Variants in SYT10 observed in about 807,000 individuals in gnomAD.
SYT10 encodes synaptotagmin-10.
Under a neutral mutation model 51.1 loss-of-function variants are expected in SYT10, and 31 were observed. The ratio of observed to expected loss-of-function variants is 0.61; its 90% CI spans 0.46 to 0.82. SYT10 has a LOEUF of 0.82. Among genes scored for constraint, SYT10 ranks in the 40% least tolerant of loss-of-function variants. SYT10 has a pLI of 0.00. For missense variants in SYT10, 603 were observed against 634.0 expected (o/e 0.95, Z 0.53); for synonymous variants, 233 against 225.9 (o/e 1.03, Z -0.28).
In SYT10 at chr12:33,374,559, T is replaced by C. The variant is rs1866046584; in HGVS notation, c.*2271A>G. The C allele has an allele frequency of 6.6e-6, 1 of 151,920 alleles. No individual in the cohort carries two copies. The highest frequency in any genetic ancestry group is 1.5e-5 in the Non-Finnish European group (1 of 67,890). The allele number at this position is 151,920 out of a possible 1,614,324, so 9.4% of individuals were successfully genotyped here. A position where few individuals can be genotyped will look rare whatever the true frequency, so the allele number is the denominator to read the frequency against. ...TATGAACTGTCATTTTTAACAATCA[T>C]GCCTTATTAATCTGAGCATAAACCT... On this transcript the variant is annotated 3_prime_UTR_variant, in exon 7 of 7. Transcript: ENST00000228567.
intron 3 of SYT10, among the ~76,000 whole-genome samples, chr12:33,404,123 C>T (rs114002199): frequency 0.024 from 3,631 of 152,214 alleles, 154 homozygotes; most frequent in African/African-American, 0.082. Flanking sequence ...CAAAGATAGG[C>T]ATGTCCTAAT....
Position 33,407,155 on chromosome 12 carries a change from A to G in SYT10, c.711T>C (p.Phe237=), listed in dbSNP as rs763929071. 2.5e-6 allele frequency: 4 copies of G among 1,614,020 alleles called. No homozygotes were observed. Among genetic ancestry groups the G allele is most frequent in the African/African-American group, 2.7e-5 (2 of 74,910 alleles). The change falls in exon 3 of 7, where the codon TTT becomes TTC. Residue 237 remains phenylalanine, a synonymous_variant. Transcript: ENST00000228567. ...EDVKICGKLN[F]TLQYDYENEL... ...CATTTTCATAATCATACTGGAGGGT[A>G]AAGTTAAGTTTCCCACAGATTTTGA...
intron 3 of SYT10, among the ~76,000 whole-genome samples, chr12:33,391,761 T>C (rs1866209556): frequency 6.6e-6 from 1 of 152,222 alleles, no homozygotes; most frequent in East Asian, 1.9e-4. Context: ...CTTTTCTTTT[T>C]TGCTCAAAAC....
intron 2 of SYT10, among the ~76,000 whole-genome samples, chr12:33,414,313 T>C (rs1480408847): frequency 6.6e-6 from 1 of 152,182 alleles, no homozygotes; most frequent in Non-Finnish European, 1.5e-5. Flanking sequence ...GGAATTGAAC[T>C]CAGCTCTGCA....
chr12:33,386,930 A>G (rs1268698270), intron 3 of SYT10, among the ~76,000 whole-genome samples: 1 of 152,200 alleles, frequency 6.6e-6, no homozygotes, highest in Non-Finnish European at 1.5e-5. Flanking sequence ...ATATAGATTT[A>G]TATGTGGTCT....
In SYT10 at chr12:33,426,574, T is replaced by C. The variant is rs1866555302; in HGVS notation, c.152-79A>G. The C allele has an allele frequency of 4.3e-6, 5 of 1,174,538 alleles. No homozygotes were observed. In the South Asian group the frequency reaches 9.4e-5, roughly 22 times the overall value. 72.8% of individuals were successfully genotyped at this position (1,174,538 alleles called of 1,614,324 possible). On this transcript the variant is annotated intron_variant, in intron 1 of 6. Transcript: ENST00000228567. ...GAAATGGAAAGAATATTTTACATCA[T>C]AATTGTTATTATTTCCTGATTCAGA...
Position 33,407,216 on chromosome 12 carries a change from T to G in SYT10, c.650A>C (p.Lys217Thr). 1 of 1,614,216 alleles carries G rather than the reference T, an allele frequency of 6.2e-7. No individual in the cohort carries two copies. The highest frequency in any genetic ancestry group is 8.5e-7 in the Non-Finnish European group (1 of 1,180,042). Residue 217 changes from lysine (K) to threonine (T), a missense_variant, in exon 3 of 7, where the codon AAA (lysine) becomes ACA (threonine). Coordinates refer to ENST00000228567, the MANE Select transcript of SYT10 (RefSeq NM_198992.4). ...GRIKPELYKQ[K>T]SVDSEGNQNE... ...TTGGTTGCCCTCAGAGTCAACTGAT[T>G]TCTGTTTGTAGAGTTCTGGCTTTAT...
chr12:33,432,364 T>C (rs1215816321), intron 1 of SYT10: 1 of 152,102 alleles, frequency 6.6e-6, no homozygotes, highest in Non-Finnish European at 1.5e-5. Context: ...CATAATTGAG[T>C]AAATTATTTA....
At chr12:33,419,247 C>T (rs1479243191) in intron 2 of SYT10, among the ~76,000 whole-genome samples, 1 of 152,138 alleles carries the variant, frequency 6.6e-6, no homozygotes, top group Admixed American at 6.5e-5. Context: ...CCTTGTAATA[C>T]ATCATATAAC....
chr12:33,420,621 C>T (rs2138427567), intron 2 of SYT10, among the ~76,000 whole-genome samples: 1 of 152,296 alleles, frequency 6.6e-6, no homozygotes, highest in East Asian at 1.9e-4. Flanking sequence ...CACTGCACTC[C>T]TGCCTGGGCA....
At chr12:33,390,555 A>G (rs547134131) in intron 3 of SYT10, among the ~76,000 whole-genome samples, 1 of 134,970 alleles carries the variant, frequency 7.4e-6, no homozygotes, top group African/African-American at 2.9e-5. Flanking sequence ...CCACAACCCA[A>G]AAACTCCACC....
At chr12:33,385,709 C>T (rs1866151598) in intron 3 of SYT10, among the ~76,000 whole-genome samples, 1 of 152,210 alleles carries the variant, frequency 6.6e-6, no homozygotes, top group Non-Finnish European at 1.5e-5. Flanking sequence ...ACACTATCTA[C>T]AAAATATATC....
intron 2 of SYT10, among the ~76,000 whole-genome samples, chr12:33,412,282 T>G (rs1303887630): frequency 6.6e-6 from 1 of 152,170 alleles, no homozygotes; most frequent in Non-Finnish European, 1.5e-5. Flanking sequence ...AGTAAGTCAG[T>G]GTCCTAATAA....
chr12:33,419,539 T>A (rs1239262904), intron 2 of SYT10, among the ~76,000 whole-genome samples: 1 of 152,196 alleles, frequency 6.6e-6, no homozygotes, highest in African/African-American at 2.4e-5. Flanking sequence ...CAATTGGTTC[T>A]TTAATAAATT....
intron 3 of SYT10, among the ~76,000 whole-genome samples, chr12:33,386,543 C>T (rs1866158294): frequency 6.6e-6 from 1 of 151,816 alleles, no homozygotes; most frequent in Non-Finnish European, 1.5e-5. Flanking sequence ...ATATGGCTGA[C>T]TTCTTACCAT....
intron 2 of SYT10, among the ~76,000 whole-genome samples, chr12:33,423,690 T>C (rs1866525014): frequency 6.6e-6 from 1 of 152,148 alleles, no homozygotes; most frequent in Non-Finnish European, 1.5e-5. Context: ...GATGCTGTTA[T>C]TCTCCAGCCT....
intron 2 of SYT10, among the ~76,000 whole-genome samples, chr12:33,425,604 G>C (rs1455054925): frequency 1.2e-4 from 19 of 152,100 alleles, no homozygotes. Context: ...TGGTCTACAT[G>C]AGCTCAAACA....
At chr12:33,436,100 T>A (rs1267251177) in intron 1 of SYT10, among the ~76,000 whole-genome samples, 1 of 152,196 alleles carries the variant, frequency 6.6e-6, no homozygotes, top group African/African-American at 2.4e-5. Flanking sequence ...TAGCTGTGAT[T>A]TATGACGTCT....
chr12:33,376,969 C>A, intron 6 of SYT10, 68 bp from the exon 7 acceptor site: 4 of 1,489,728 alleles, frequency 2.7e-6, no homozygotes, highest in Non-Finnish European at 3.7e-6. Context: ...AGTTGTTGCT[C>A]CCTTTAAATA....
Sources: gnomAD v4.1 joint callset for allele counts (sites outside exome capture counted in the v4.1 genomes callset) on GRCh38, gnomAD v4.1.1 for gene constraint, MANE v1.5 for transcripts, NCBI Gene and HGNC (gene_info 2026-07-23, HGNC 2026-07-21) for gene names.